The following KLHL5 variants were observed in gnomAD, a reference collection of about 807,000 sequenced individuals.
KLHL5 encodes kelch like family member 5.
Under a neutral mutation model 77.7 loss-of-function variants are expected in KLHL5, and 48 were observed. That is an observed-to-expected ratio of 0.62 (90% CI 0.49 to 0.79). The LOEUF (loss-of-function observed/expected upper bound fraction) is 0.79. KLHL5 is among the 30% of genes least tolerant of loss of function. KLHL5 has a pLI of 0.00. For missense variants in KLHL5, 723 were observed against 859.7 expected, an observed-to-expected ratio of 0.84 and a Z score of 1.99; for synonymous variants, 260 against 297.0, an observed-to-expected ratio of 0.88 and a Z score of 1.28.
chr4:39,102,824 C>A (rs1721702502), intron 6 of KLHL5, among the ~76,000 whole-genome samples: 1 of 152,214 alleles, frequency 6.6e-6, no homozygotes, highest in South Asian at 2.1e-4. Flanking sequence ...CTTCATCTCC[C>A]AGTCACGTCT....
intron 8 of KLHL5, among the ~76,000 whole-genome samples, chr4:39,110,810 T>C (rs1004188880): frequency 1.3e-5 from 2 of 152,134 alleles, no homozygotes; most frequent in African/African-American, 4.8e-5. Context: ...AGGCAAGACC[T>C]AAATCTTATT....
At chr4:39,098,984 CA>C (rs755891087) in intron 6 of KLHL5, among the ~76,000 whole-genome samples, 4 of 152,112 alleles carry the variant, frequency 2.6e-5, no homozygotes, top group Non-Finnish European at 5.9e-5. Flanking sequence ...ACCACTCTCA[CA>C]AGTTATTATT....
chr4:39,096,575 C>T, intron 5 of KLHL5, 117 bp from the exon 6 acceptor site: 2 of 643,682 alleles, frequency 3.1e-6, no homozygotes, highest in Non-Finnish European at 5.3e-6. Context: ...AAAATATGTG[C>T]CTATGCTTGA....
intron 9 of KLHL5, among the ~76,000 whole-genome samples, chr4:39,114,134 A>G (rs1722662069): frequency 6.6e-6 from 1 of 152,180 alleles, no homozygotes; most frequent in Non-Finnish European, 1.5e-5. Context: ...TCCCATTGCT[A>G]TAACAGAATA....
chr4:39,118,439 A>G (rs1246350243), intron 10 of KLHL5, among the ~76,000 whole-genome samples: 2 of 152,152 alleles, frequency 1.3e-5, no homozygotes, highest in African/African-American at 4.8e-5. Flanking sequence ...TTTCTGAGAA[A>G]AGGGCAGGAA....
the KLHL5 span, among the ~76,000 whole-genome samples, chr4:39,139,242 A>G: frequency 6.7e-6 from 1 of 149,930 alleles, no homozygotes; most frequent in Non-Finnish European, 1.5e-5. Flanking sequence ...AGATCACACC[A>G]CTGCACTCCA....
chr4:39,065,322 C>G (rs16995076), intron 1 of KLHL5, among the ~76,000 whole-genome samples: 10,752 of 151,556 alleles, frequency 0.071, 1,090 homozygotes, highest in African/African-American at 0.23. Context: ...AAATCAAAGC[C>G]TGTCACTGTT....
intron 1 of KLHL5, among the ~76,000 whole-genome samples, chr4:39,056,352 C>T (rs1309232604): frequency 6.6e-6 from 1 of 152,198 alleles, no homozygotes; most frequent in Admixed American, 6.5e-5. Flanking sequence ...CTCAAGTGAT[C>T]CACCCTCAGG....
intron 5 of KLHL5, chr4:39,093,499 G>A: frequency 4.4e-6 from 2 of 451,296 alleles, no homozygotes; most frequent in Non-Finnish European, 8.9e-6. Context: ...CGTAAAATAT[G>A]CCCCAATAAA....
At chr4:39,098,818 C>G (rs1184092916) in intron 6 of KLHL5, among the ~76,000 whole-genome samples, 1 of 152,014 alleles carries the variant, frequency 6.6e-6, no homozygotes, top group Non-Finnish European at 1.5e-5. Context: ...CCCTCCTCGG[C>G]CTTCCAAAGT....
chr4:39,080,293 C>T (rs1213823587), intron 2 of KLHL5, among the ~76,000 whole-genome samples: 1 of 151,972 alleles, frequency 6.6e-6, no homozygotes, highest in African/African-American at 2.4e-5. Context: ...TTGGGAGGCT[C>T]AGGTGGGCTG....
At chr4:39,137,535 G>A in the KLHL5 span, among the ~76,000 whole-genome samples, 330 of 152,214 alleles carry the variant, frequency 2.2e-3, 1 homozygote, top group African/African-American at 7.3e-3. Context: ...GAGGTGGGAA[G>A]ATTGAGCCCA....
chr4:39,105,338 G>T (rs971980007), intron 7 of KLHL5, among the ~76,000 whole-genome samples: 1 of 151,504 alleles, frequency 6.6e-6, no homozygotes, highest in Non-Finnish European at 1.5e-5. Flanking sequence ...GTGGAGACAG[G>T]GTTTCACTAT....
chr4:39,085,893 C>T (rs1055131869), intron 4 of KLHL5, among the ~76,000 whole-genome samples: 1 of 152,010 alleles, frequency 6.6e-6, no homozygotes, highest in African/African-American at 2.4e-5. Context: ...AATTCGAAAA[C>T]AGACCCAAAA....
upstream of KLHL5, among the ~76,000 whole-genome samples, chr4:39,057,385 C>T (rs371990759): frequency 1.3e-5 from 2 of 152,002 alleles, no homozygotes; most frequent in African/African-American, 4.8e-5. Context: ...TTAATGTTTG[C>T]TTTTTATGAG....
chr4:39,049,476 G>C (rs1014110119), intron 1 of KLHL5, among the ~76,000 whole-genome samples: 3 of 152,064 alleles, frequency 2.0e-5, no homozygotes, highest in African/African-American at 7.2e-5. Context: ...CTTCAGTCCA[G>C]GAGTTTTGAG....
At chr4:39,126,519 A>C (rs1723554930), downstream of KLHL5, among the ~76,000 whole-genome samples, 3 of 152,052 alleles carry the variant, frequency 2.0e-5, no homozygotes, top group South Asian at 6.2e-4. Flanking sequence ...CTTCACTGCC[A>C]CCCTCATTTC....
At chr4:39,101,897 T>C (rs113514309) in intron 6 of KLHL5, among the ~76,000 whole-genome samples, 20 of 115,218 alleles carry the variant, frequency 1.7e-4, no homozygotes, top group Middle Eastern at 4.7e-3. Flanking sequence ...CACACACACA[T>C]ATACACACAC....
At position 39,103,507 on chromosome 4, in the gene KLHL5, C is replaced by T; in HGVS notation, c.1521C>T (p.Gly507=). 1.2e-6 allele frequency: 2 copies of T among 1,612,126 alleles called. No homozygotes were observed. Among genetic ancestry groups the T allele is most frequent in the Non-Finnish European group, 1.7e-6 (2 of 1,178,308 alleles). Residue 507 remains glycine, a synonymous_variant, in exon 7 of 11, where the codon GGC becomes GGT. Coordinates refer to ENST00000504108, the MANE Select transcript of KLHL5 (RefSeq NM_015990.5). The stretch of plus-strand genomic sequence containing the variant: ...CACCTATGTCCACACATAGACATGG[C>T]CTTGGTAAGTACAACTATGCAGATT... The part of the protein sequence containing the change: ...VMPPMSTHRH[G]LGVAVLEGPM...
Sources: gnomAD v4.1 joint callset for allele counts (sites outside exome capture counted in the v4.1 genomes callset) on GRCh38, gnomAD v4.1.1 for gene constraint, MANE v1.5 for transcripts, NCBI Gene and HGNC (gene_info 2026-07-23, HGNC 2026-07-21) for gene names.